Variants in ANKS1A observed in about 807,000 individuals in gnomAD.
ANKS1A encodes ankyrin repeat and SAM domain-containing protein 1A.
Under a neutral mutation model 120.3 loss-of-function variants are expected in ANKS1A, and 55 were observed. That is an observed-to-expected ratio of 0.46 (90% CI 0.37 to 0.57). The LOEUF (loss-of-function observed/expected upper bound fraction) is 0.57. ANKS1A is among the 20% of genes least tolerant of loss of function. ANKS1A has a pLI of 0.00. For synonymous variants in ANKS1A, 590 were observed against 604.7 expected, an observed-to-expected ratio of 0.98 and a Z score of 0.36; for missense variants, 1,123 against 1,480.3, an observed-to-expected ratio of 0.76 and a Z score of 3.96.
At chr6:35,048,576 A>G (rs1775826824) in intron 11 of ANKS1A, among the ~76,000 whole-genome samples, 1 of 152,258 alleles carries the variant, frequency 6.6e-6, no homozygotes, top group South Asian at 2.1e-4. Flanking sequence ...GGCCATGCGC[A>G]ATTCAGTCTG....
chr6:34,895,588 C>T (rs1352488294), intron 1 of ANKS1A, among the ~76,000 whole-genome samples: 1 of 151,934 alleles, frequency 6.6e-6, no homozygotes, highest in Non-Finnish European at 1.5e-5. Flanking sequence ...CAACACTGAC[C>T]ATGTAAGGAT....
Position 34,963,081 on chromosome 6 carries a change from C to T in ANKS1A, c.198-4158C>T, listed in dbSNP as rs944825528. On this transcript the variant is annotated intron_variant, in intron 1 of 23. Transcript: ENST00000360359. Reference sequence around the variant, plus strand: ...TTCGCCTTGTTGGCCAGGCTGGTCTCGAACTCCTGACCACAGGTGATCCGC... The same window carrying T: ...TTCGCCTTGTTGGCCAGGCTGGTCTTGAACTCCTGACCACAGGTGATCCGC... Among the ~76,000 whole-genome samples the T allele has an allele frequency of 9.9e-5, 15 of 152,028 alleles. No homozygotes were observed. In the South Asian group the frequency reaches 1.0e-3, roughly 11 times the overall value.
intron 13 of ANKS1A, among the ~76,000 whole-genome samples, chr6:35,076,715 G>A (rs1215660671): frequency 1.3e-5 from 2 of 152,094 alleles, no homozygotes; most frequent in Non-Finnish European, 2.9e-5. Context: ...TGTAACCTCT[G>A]CCTCCCAGGT....
chr6:35,081,621 C>T (rs1214149235), intron 17 of ANKS1A, among the ~76,000 whole-genome samples: 1 of 152,230 alleles, frequency 6.6e-6, no homozygotes. Context: ...TCCTCCTGCT[C>T]AGCAAAACCA....
Position 35,060,077 on chromosome 6 carries a change from T to C in ANKS1A, c.2078-70T>C, listed in dbSNP as rs1776412687. ...GATGTGGCAATGCCATCTATCTTCC[T>C]CTGAGTGCCGCTGCTACCGCCTTAA... On this transcript the variant is annotated intron_variant, in intron 12 of 23. Coordinates refer to ENST00000360359, the MANE Select transcript of ANKS1A (RefSeq NM_015245.3). This position sits in a 1 kb window ranked among gnomAD's most constrained non-coding sequence, Gnocchi z 4.5. 1 of 1,301,438 alleles carries C rather than the reference T, an allele frequency of 7.7e-7. No individual in the cohort carries two copies. Among genetic ancestry groups the C allele is most frequent in the Admixed American group, 2.0e-5 (1 of 51,244 alleles). 80.6% of individuals were successfully genotyped at this position (1,301,438 alleles called of 1,614,324 possible). A position where few individuals can be genotyped will look rare whatever the true frequency, so the allele number is the denominator to read the frequency against.
rs761903319 is a variant in ANKS1A at position 34,983,365 on chromosome 6, A to AC, written c.959dup (p.Pro321ThrfsTer19). On this transcript the variant is annotated frameshift_variant, in exon 7 of 24. Coordinates refer to ENST00000360359, the MANE Select transcript of ANKS1A (RefSeq NM_015245.3). LOFTEE classifies it high-confidence loss of function. Reference sequence around the variant, plus strand: ...AAGAAGTACAAAAGAAGTAGATAAAACCCCCCCACCCCAGCCACCTCTCAT... The same window carrying AC: ...AAGAAGTACAAAAGAAGTAGATAAAACCCCCCCCACCCCAGCCACCTCTCAT... The AC allele has an allele frequency of 1.9e-6, 3 of 1,609,186 alleles. No homozygotes were observed. The highest frequency in any genetic ancestry group is 1.7e-6 in the Non-Finnish European group (2 of 1,178,450).
In ANKS1A at chr6:35,084,805, C is replaced by T. The variant is rs995372985; in HGVS notation, c.3132+547C>T. On this transcript the variant is annotated intron_variant, in intron 21 of 23. Coordinates refer to ENST00000360359, the MANE Select transcript of ANKS1A (RefSeq NM_015245.3). The surrounding 1 kb of genome is among the most constrained non-coding windows in gnomAD (Gnocchi z 4.8). ...CTTCCCTCAAATTCCTGCTGAGGCT[C>T]GGCTCTGGATGCCACTGGGCCGAGG... Among the ~76,000 whole-genome samples the T allele has an allele frequency of 4.6e-5, 7 of 152,300 alleles. No individual in the cohort carries two copies. The highest frequency in any genetic ancestry group is 2.1e-4 in the South Asian group (1 of 4,820).
At chr6:35,056,475 A>G (rs1270626719) in intron 12 of ANKS1A, among the ~76,000 whole-genome samples, 3 of 152,188 alleles carry the variant, frequency 2.0e-5, no homozygotes, top group African/African-American at 7.2e-5. Flanking sequence ...TTTTTAGTAG[A>G]GACAGGGTTT....
intron 1 of ANKS1A, among the ~76,000 whole-genome samples, chr6:34,938,945 G>T (rs1183255604): frequency 6.6e-6 from 1 of 152,182 alleles, no homozygotes; most frequent in Non-Finnish European, 1.5e-5. Flanking sequence ...CTGAGATCTC[G>T]CCACTGTGCT....
At chr6:35,067,886 A>AT (rs750257307) in intron 13 of ANKS1A, among the ~76,000 whole-genome samples, 43,783 of 106,636 alleles carry the variant, frequency 0.41, 9,081 homozygotes, top group Non-Finnish European at 0.51. Flanking sequence ...TTCATTTTCA[A>AT]TTTTTTTTTT....
At chr6:35,003,300 A>G (rs1399758000) in intron 10 of ANKS1A, among the ~76,000 whole-genome samples, 4 of 152,114 alleles carry the variant, frequency 2.6e-5, no homozygotes, top group Admixed American at 6.5e-5. Context: ...AGAAATCATC[A>G]CTGATAAAAC....
intron 13 of ANKS1A, 84 bp from the exon 14 acceptor site, chr6:35,078,474 G>A (rs1196273612): frequency 1.6e-6 from 2 of 1,226,664 alleles, no homozygotes; most frequent in Non-Finnish European, 2.4e-6. Flanking sequence ...TTTGGTGCAG[G>A]GCCCTGAAAG....
chr6:35,068,857 G>T (rs1776926473), intron 13 of ANKS1A, among the ~76,000 whole-genome samples: 3 of 152,216 alleles, frequency 2.0e-5, no homozygotes, highest in African/African-American at 7.2e-5. Context: ...ACTGAACATG[G>T]AAAGGAGGGT....
intron 11 of ANKS1A, among the ~76,000 whole-genome samples, chr6:35,033,349 C>T (rs1389228205): frequency 6.6e-6 from 1 of 152,232 alleles, no homozygotes; most frequent in African/African-American, 2.4e-5. Context: ...CATGTGCTTA[C>T]AGCCATTACG....
intron 23 of ANKS1A, among the ~76,000 whole-genome samples, chr6:35,087,999 G>A (rs928971272): frequency 2.0e-5 from 3 of 152,224 alleles, no homozygotes; most frequent in Non-Finnish European, 4.4e-5. Context: ...CTGCACACAC[G>A]GCGCACCTTC....
downstream of ANKS1A, among the ~76,000 whole-genome samples, chr6:35,091,575 AAC>A (rs1309574985): frequency 5.4e-5 from 8 of 149,056 alleles, no homozygotes; most frequent in African/African-American, 2.1e-4. Context: ...CTCTCTAACA[AAC>A]AGTTAGTTAC....
chr6:34,892,168 A>G (rs1292965165), intron 1 of ANKS1A, among the ~76,000 whole-genome samples: 1 of 152,122 alleles, frequency 6.6e-6, no homozygotes, highest in Non-Finnish European at 1.5e-5. Flanking sequence ...GAGAGGGTAA[A>G]TGCCTAATAG....
intron 2 of ANKS1A, 149 bp from the exon 3 acceptor site, chr6:34,969,861 A>C: frequency 1.2e-6 from 1 of 859,192 alleles, no homozygotes; most frequent in Non-Finnish European, 1.8e-6. Context: ...CATGGAATAA[A>C]AGGAAAAGCT....
rs990970834 is a variant in ANKS1A, at chr6:35,057,021, C to G, written c.2077+2856C>G. Among the ~76,000 whole-genome samples the G allele has an allele frequency of 6.6e-6, 1 of 152,050 alleles. No homozygotes were observed. Among genetic ancestry groups the G allele is most frequent in the Middle Eastern group, 3.2e-3 (1 of 316 alleles). Reference sequence around the variant, plus strand: ...GGCGTCAGGATCAGGGAGAAAAGATCTGGGCTCTGGGGTTAGTCTGGGTAG... The same window carrying G: ...GGCGTCAGGATCAGGGAGAAAAGATGTGGGCTCTGGGGTTAGTCTGGGTAG... On this transcript the variant is annotated intron_variant, in intron 12 of 23. Coordinates refer to ENST00000360359, the MANE Select transcript of ANKS1A (RefSeq NM_015245.3). This position sits in a 1 kb window ranked among gnomAD's most constrained non-coding sequence, Gnocchi z 4.1.
Sources: allele counts gnomAD v4.1 joint callset (sites outside exome capture counted in the v4.1 genomes callset), GRCh38; gene constraint gnomAD v4.1.1; non-coding constraint Gnocchi (gnomAD v3.1); transcripts MANE v1.5; gene names NCBI Gene and HGNC (gene_info 2026-07-23, HGNC 2026-07-21).